WDR25: variants seen among roughly 807,000 people sequenced by gnomAD.
WDR25 encodes WD repeat domain 25.
A neutral mutation model predicts 47.7 loss-of-function variants in WDR25; 35 were observed. That is an observed-to-expected ratio of 0.73 (90% CI 0.56 to 0.97). The LOEUF is 0.97. Ranked by LOEUF, WDR25 falls within the 50% of genes least tolerant of loss-of-function variation. WDR25 has a pLI of 0.00. For missense variants in WDR25, 634 were observed against 704.7 expected, an observed-to-expected ratio of 0.90 and a Z score of 1.14; for synonymous variants, 248 against 278.9, an observed-to-expected ratio of 0.89 and a Z score of 1.10.
intron 2 of WDR25, among the ~76,000 whole-genome samples, chr14:100,385,882 C>T (rs1000028268): frequency 2.0e-5 from 3 of 152,060 alleles, no homozygotes; most frequent in Admixed American, 6.5e-5. Context: ...ACGTGGCCTG[C>T]GTTAACCAAA....
At chr14:100,474,389 C>T (rs1899948871) in intron 3 of WDR25, among the ~76,000 whole-genome samples, 1 of 152,226 alleles carries the variant, frequency 6.6e-6, no homozygotes, top group South Asian at 2.1e-4. Context: ...CTCACGCCAG[C>T]CCTCTAGGCA....
At chr14:100,465,380 G>A (rs1028413691) in intron 2 of WDR25, among the ~76,000 whole-genome samples, 3 of 151,880 alleles carry the variant, frequency 2.0e-5, no homozygotes, top group African/African-American at 7.3e-5. Flanking sequence ...CCCCAGCCCT[G>A]GCCACCACCA....
intron 2 of WDR25, among the ~76,000 whole-genome samples, chr14:100,398,402 A>G (rs1053961143): frequency 6.6e-6 from 1 of 152,160 alleles, no homozygotes; most frequent in Non-Finnish European, 1.5e-5. Context: ...CTATCGGAGC[A>G]TTGGTTTTAT....
Position 100,530,104 on chromosome 14 carries a change from G to T in WDR25, c.*63G>T. 2.0e-6 allele frequency: 3 copies of T among 1,517,822 alleles called. No individual in the cohort carries two copies. Among genetic ancestry groups the T allele is most frequent in the Non-Finnish European group, 1.8e-6 (2 of 1,118,104 alleles). The allele number at this position is 1,517,822 out of a possible 1,614,324, so 94.0% of individuals were successfully genotyped here. A position where few individuals can be genotyped will look rare whatever the true frequency, so the allele number is the denominator to read the frequency against. On this transcript the variant is annotated 3_prime_UTR_variant, in exon 7 of 7. Transcript: ENST00000402312. ...TCTTGGACTCCCCTCTTCCTCAAGG[G>T]TAGATGAGAGGAACGAGCACAGAGG...
intron 3 of WDR25, among the ~76,000 whole-genome samples, chr14:100,473,985 T>C (rs957358583): frequency 2.0e-5 from 3 of 152,226 alleles, no homozygotes; most frequent in African/African-American, 7.2e-5. Flanking sequence ...ACATGCTCCT[T>C]GAGTCCTAGG....
At chr14:100,461,872 A>G (rs894867668) in intron 2 of WDR25, among the ~76,000 whole-genome samples, 2 of 150,460 alleles carry the variant, frequency 1.3e-5, no homozygotes, top group Admixed American at 1.3e-4. Flanking sequence ...TGATGGGGTT[A>G]TGGATGACTC....
rs753155095 is a variant in WDR25, at chr14:100,468,028, A to G, written c.830A>G (p.Asn277Ser). 6.2e-7 allele frequency: 1 copy of G among 1,612,630 alleles called. No homozygotes were observed. Among genetic ancestry groups the G allele is most frequent in the African/African-American group, 1.3e-5 (1 of 74,942 alleles). Residue 277 changes from asparagine (N) to serine (S), a missense_variant, in exon 3 of 7, where the codon AAC becomes AGC. Transcript: ENST00000402312. This position sits in a 1 kb window ranked among gnomAD's most constrained non-coding sequence, Gnocchi z 4.5. The part of the protein sequence containing the change: ...TSMDKTFKVW[N>S]AVDSGHCLQT... ...GTCTGTGTTTGCCTGCAGGTATGGA[A>G]CGCCGTGGACTCCGGGCACTGCCTG...
chr14:100,502,745 A>G lies in WDR25; in HGVS notation c.1101+18621A>G, dbSNP rs1900972119. Among the ~76,000 whole-genome samples the G allele has an allele frequency of 6.6e-6, 1 of 152,202 alleles. No individual in the cohort carries two copies. Among genetic ancestry groups the G allele is most frequent in the Non-Finnish European group, 1.5e-5 (1 of 68,032 alleles). Reference sequence around the variant, plus strand: ...TGGGGGCTAATGAAAGACTCACAGAAGAAGGAGCTAATGATTTTGCTTGCC... The same window carrying G: ...TGGGGGCTAATGAAAGACTCACAGAGGAAGGAGCTAATGATTTTGCTTGCC... On this transcript the variant is annotated intron_variant, in intron 4 of 6. Coordinates refer to ENST00000402312, the MANE Select transcript of WDR25 (RefSeq NM_001161476.3). The surrounding 1 kb of genome is among the most constrained non-coding windows in gnomAD (Gnocchi z 4.5).
At position 100,500,395 on chromosome 14, in the gene WDR25, G is replaced by C. The variant is rs561381765; in HGVS notation, c.1101+16271G>C. ...GACCCGAGGAGGGTGAAGTGGCTCT[G>C]GCTGTGGAGGGTGGAGAAGGAGGGG... is the stretch of plus-strand genomic sequence containing the variant. On this transcript the variant is annotated intron_variant, in intron 4 of 6. Transcript: ENST00000402312. The surrounding 1 kb of genome is among the most constrained non-coding windows in gnomAD (Gnocchi z 4.7). Among the ~76,000 whole-genome samples, 2 of 152,298 alleles carry C rather than the reference G, an allele frequency of 1.3e-5. No homozygotes were observed. The highest frequency in any genetic ancestry group is 4.1e-4 in the South Asian group (2 of 4,830).
chr14:100,382,998 T>A (rs1398844556), intron 2 of WDR25, among the ~76,000 whole-genome samples: 1 of 152,244 alleles, frequency 6.6e-6, no homozygotes, highest in East Asian at 1.9e-4. Context: ...TGGAACCAAC[T>A]TTCCTACATC....
rs1479537159 is a variant in WDR25 at position 100,425,480 on chromosome 14, C to A, written c.823-42541C>A. 1.3e-5 allele frequency among the ~76,000 whole-genome samples: 2 copies of A among 152,230 alleles called. No homozygotes were observed. Among genetic ancestry groups the A allele is most frequent in the African/African-American group, 4.8e-5 (2 of 41,458 alleles). Reference sequence around the variant, plus strand: ...AAAGCCCCTGCTCTTTCTACTCCTTCCCCTAGACTGTGAAATATGTTTGAT... The same window carrying A: ...AAAGCCCCTGCTCTTTCTACTCCTTACCCTAGACTGTGAAATATGTTTGAT... On this transcript the variant is annotated intron_variant, in intron 2 of 6. Coordinates refer to ENST00000402312, the MANE Select transcript of WDR25 (RefSeq NM_001161476.3). The surrounding 1 kb of genome is among the most constrained non-coding windows in gnomAD (Gnocchi z 4.8).
chr14:100,459,584 T>C (rs988944852), intron 2 of WDR25, among the ~76,000 whole-genome samples: 10 of 152,000 alleles, frequency 6.6e-5, no homozygotes, highest in African/African-American at 2.4e-4. Context: ...CAAAATGAGG[T>C]CATTAGGGGT....
chr14:100,510,961 A>G (rs1901291961), intron 4 of WDR25, among the ~76,000 whole-genome samples: 1 of 152,010 alleles, frequency 6.6e-6, no homozygotes, highest in Admixed American at 6.5e-5. Context: ...ATTATAATGA[A>G]TCTTGAAATC....
chr14:100,501,695 C>G (rs1057297238), intron 4 of WDR25, among the ~76,000 whole-genome samples: 5 of 152,122 alleles, frequency 3.3e-5, no homozygotes. Context: ...GTAAGCCACC[C>G]CAGGAGCTGT....
rs1053586934 is a variant in WDR25, at chr14:100,498,857, C to T, written c.1101+14733C>T. On this transcript the variant is annotated intron_variant, in intron 4 of 6. Coordinates refer to ENST00000402312, the MANE Select transcript of WDR25 (RefSeq NM_001161476.3). The surrounding 1 kb of genome is among the most constrained non-coding windows in gnomAD (Gnocchi z 4.2). Reference sequence around the variant, plus strand: ...CTCTAATAGGAACCAAGGTGCCATGCGGGCCAGTGGCAGCCCTGTCCCTCC... The same window carrying T: ...CTCTAATAGGAACCAAGGTGCCATGTGGGCCAGTGGCAGCCCTGTCCCTCC... 2.6e-5 allele frequency among the ~76,000 whole-genome samples: 4 copies of T among 152,348 alleles called. No individual in the cohort carries two copies. Among genetic ancestry groups the T allele is most frequent in the South Asian group, 4.1e-4 (2 of 4,826 alleles).
intron 2 of WDR25, chr14:100,382,279 A>T: frequency 3.0e-6 from 2 of 665,106 alleles, no homozygotes; most frequent in Non-Finnish European, 2.7e-6. Context: ...TGGGAGCCCA[A>T]CGGGAGGGTT....
intron 2 of WDR25, among the ~76,000 whole-genome samples, chr14:100,417,031 A>G (rs1451232414): frequency 6.6e-6 from 1 of 152,228 alleles, no homozygotes; most frequent in Non-Finnish European, 1.5e-5. Context: ...CCTGAAAACT[A>G]GTGACTCAAC....
At chr14:100,459,120 A>G (rs1156352519) in intron 2 of WDR25, among the ~76,000 whole-genome samples, 1 of 152,190 alleles carries the variant, frequency 6.6e-6, no homozygotes, top group Non-Finnish European at 1.5e-5. Flanking sequence ...AATGAAAGGT[A>G]TATTTAGCCT....
chr14:100,529,060 G>T lies in WDR25; in HGVS notation c.1273-8G>T. 1 of 1,531,678 alleles carries T rather than the reference G, an allele frequency of 6.5e-7. No homozygotes were observed. Among genetic ancestry groups the T allele is most frequent in the Non-Finnish European group, 8.8e-7 (1 of 1,134,056 alleles). The allele number at this position is 1,531,678 out of a possible 1,614,324, so 94.9% of individuals were successfully genotyped here. A position where few individuals can be genotyped will look rare whatever the true frequency, so the allele number is the denominator to read the frequency against. On this transcript the variant is annotated splice_region_variant and splice_polypyrimidine_tract_variant and intron_variant, in intron 5 of 6. Coordinates refer to ENST00000402312, the MANE Select transcript of WDR25 (RefSeq NM_001161476.3). The surrounding 1 kb of genome is among the most constrained non-coding windows in gnomAD (Gnocchi z 5.1). Reference sequence around the variant, plus strand: ...TCTCTGACCCATTTGTGGCTCTGCTGTTCTCAGGAGAGGTTCACCTGCCCC... The same window carrying T: ...TCTCTGACCCATTTGTGGCTCTGCTTTTCTCAGGAGAGGTTCACCTGCCCC...
Sources: gnomAD v4.1 joint callset for allele counts (sites outside exome capture counted in the v4.1 genomes callset) on GRCh38, gnomAD v4.1.1 for gene constraint, Gnocchi (gnomAD v3.1) non-coding constraint, MANE v1.5 for transcripts, NCBI Gene and HGNC (gene_info 2026-07-23, HGNC 2026-07-21) for gene names.